Variants in ABCA5 observed in about 807,000 individuals in gnomAD.
The protein encoded by ABCA5 is cholesterol transporter ABCA5.
ABCA5 carries 163 observed loss-of-function variants against 206.0 expected under a neutral mutation model. That is an observed-to-expected ratio of 0.79 (90% CI 0.70 to 0.90). The LOEUF (loss-of-function observed/expected upper bound fraction) is 0.90, where lower values mean the gene tolerates loss of function less well. Among genes scored for constraint, ABCA5 ranks in the 40% least tolerant of loss-of-function variants. The probability of loss-of-function intolerance (pLI) is 0.00; values close to 1 mark genes in which losing one functional copy is unlikely to be tolerated. For missense variants in ABCA5, 1,859 were observed against 1,912.9 expected (o/e 0.97, Z 0.53); for synonymous variants, 609 against 613.8 (o/e 0.99, Z 0.11).
At chr17:69,269,522 T>C (rs1426550150) in intron 22 of ABCA5, among the ~76,000 whole-genome samples, 1 of 152,200 alleles carries the variant, frequency 6.6e-6, no homozygotes, top group Non-Finnish European at 1.5e-5. Flanking sequence ...AGTTACTAGA[T>C]GATCTAGCAA....
intron 6 of ABCA5, among the ~76,000 whole-genome samples, chr17:69,305,736 C>T (rs2075709637): frequency 1.3e-5 from 2 of 151,978 alleles, no homozygotes; most frequent in Admixed American, 1.3e-4. Flanking sequence ...TTGGGCATGA[C>T]AGCATGCACC....
At chr17:69,294,911 G>C (rs1015016714) in intron 10 of ABCA5, among the ~76,000 whole-genome samples, 198 bp from the exon 11 acceptor site, 2 of 152,030 alleles carry the variant, frequency 1.3e-5, no homozygotes, top group African/African-American at 2.4e-5. Flanking sequence ...CACAGGTTAG[G>C]AGTGCCAACT....
At chr17:69,286,731 T>C (rs931286906) in intron 15 of ABCA5, among the ~76,000 whole-genome samples, 11 of 152,172 alleles carry the variant, frequency 7.2e-5, no homozygotes, top group African/African-American at 1.2e-4. Context: ...GTTGGGTTTT[T>C]AAAAATAAAG....
At position 69,301,114 on chromosome 17, in the gene ABCA5, TA is replaced by T. The variant is rs769319026; in HGVS notation, c.1267+24del. 6 of 1,488,434 alleles carry T rather than the reference TA, an allele frequency of 4.0e-6. No individual in the cohort carries two copies. The African/African-American group carries it at 5.8e-5, about 14-fold the overall frequency. The allele number at this position is 1,488,434 out of a possible 1,614,324, so 92.2% of individuals were successfully genotyped here. ...CAAAAAAGCCTAAAAATCTTTAAAGTAAAATTCAAAAACCATCTGCATACCT... is the reference window on the plus strand; with the variant it reads ...CAAAAAAGCCTAAAAATCTTTAAAGTAAATTCAAAAACCATCTGCATACCT... On this transcript the variant is annotated intron_variant, in intron 9 of 38. Coordinates refer to ENST00000392676, the MANE Select transcript of ABCA5 (RefSeq NM_172232.4).
At chr17:69,281,400 A>C in intron 18 of ABCA5, among the ~76,000 whole-genome samples, 1 of 152,104 alleles carries the variant, frequency 6.6e-6, no homozygotes, top group East Asian at 1.9e-4. Context: ...TTAGTTATTT[A>C]ATTCCATTAA....
Position 69,246,705 on chromosome 17 carries a change from G to C in ABCA5, c.*832C>G, listed in dbSNP as rs1429163371. The C allele has an allele frequency of 6.6e-6, 1 of 151,876 alleles. No homozygotes were observed. The highest frequency in any genetic ancestry group is 2.4e-5 in the African/African-American group (1 of 41,418). 9.4% of individuals were successfully genotyped at this position (151,876 alleles called of 1,614,324 possible). A position where few individuals can be genotyped will look rare whatever the true frequency, so the allele number is the denominator to read the frequency against. On this transcript the variant is annotated 3_prime_UTR_variant, in exon 39 of 39. Coordinates refer to ENST00000392676, the MANE Select transcript of ABCA5 (RefSeq NM_172232.4). ...AATTAAATGTGCCCTTTGCAAGGAAGATGACAAAAAATTTATATGTTCCAA... is the reference window on the plus strand; with the variant it reads ...AATTAAATGTGCCCTTTGCAAGGAACATGACAAAAAATTTATATGTTCCAA...
Position 69,301,182 on chromosome 17 carries a change from T to G in ABCA5, c.1224A>C (p.Ile408=), listed in dbSNP as rs1352769416. 1 of 1,592,018 alleles carries G rather than the reference T, an allele frequency of 6.3e-7. No individual in the cohort carries two copies. The change falls in exon 9 of 39, where the codon ATA becomes ATC. Residue 408 remains isoleucine, a synonymous_variant. Coordinates refer to ENST00000392676, the MANE Select transcript of ABCA5 (RefSeq NM_172232.4). ...ITIIMLTLNS[I]FYVLLAVYLD... ...GATAGACAGCCAAGAGGACATAGAA[T>G]ATACTATTAAGTGTGAGCATGATAA...
In ABCA5 at chr17:69,258,736, T is replaced by C. The variant is rs527520097; in HGVS notation, c.3731+970A>G. Among the ~76,000 whole-genome samples the C allele has an allele frequency of 2.3e-3, 344 of 152,166 alleles. 3 individuals carry two copies. The highest frequency in any genetic ancestry group is 7.8e-3 in the African/African-American group (325 of 41,558). On this transcript the variant is annotated intron_variant, in intron 28 of 38. Coordinates refer to ENST00000392676, the MANE Select transcript of ABCA5 (RefSeq NM_172232.4). ...CAGCTGAATTTATATGGAATAAATATGTAGTATTATCAAATGGAACTTTTA... is the reference window on the plus strand; with the variant it reads ...CAGCTGAATTTATATGGAATAAATACGTAGTATTATCAAATGGAACTTTTA...
At chr17:69,247,788 CAG>C in intron 38 of ABCA5, 144 bp from the exon 39 acceptor site, 1 of 465,060 alleles carries the variant, frequency 2.2e-6, no homozygotes, top group Non-Finnish European at 3.8e-6. Context: ...ATTATTCAAA[CAG>C]ATTATTTTCA....
At chr17:69,298,439 T>C (rs763808026) in intron 9 of ABCA5, among the ~76,000 whole-genome samples, 46 of 152,128 alleles carry the variant, frequency 3.0e-4, no homozygotes, top group Admixed American at 5.9e-4. Context: ...ACACTCCTCA[T>C]TTTTTTCAAA....
intron 23 of ABCA5, among the ~76,000 whole-genome samples, chr17:69,266,647 T>C (rs2075212622): frequency 6.8e-6 from 1 of 148,116 alleles, no homozygotes; most frequent in Non-Finnish European, 1.5e-5. Flanking sequence ...AAAAAAATGT[T>C]TCAGTTGAAA....
chr17:69,305,840 C>G (rs1476444217), intron 6 of ABCA5, among the ~76,000 whole-genome samples: 1 of 152,132 alleles, frequency 6.6e-6, no homozygotes, highest in Non-Finnish European at 1.5e-5. Flanking sequence ...CACTATACTC[C>G]AGCCTAGGTG....
At chr17:69,315,046 T>C (rs1007188825) in intron 1 of ABCA5, 1 of 152,060 alleles carries the variant, frequency 6.6e-6, no homozygotes, top group African/African-American at 2.4e-5. Context: ...ATGGAGAAAA[T>C]AAACACTAGC....
rs2075746050 is a variant in ABCA5 at position 69,309,111 on chromosome 17, A to C, written c.469+151T>G. 4 of 508,862 alleles carry C rather than the reference A, an allele frequency of 7.9e-6. No individual in the cohort carries two copies. The Admixed American group carries it at 1.7e-4, about 21-fold the overall frequency. The allele number at this position is 508,862 out of a possible 1,614,324, so 31.5% of individuals were successfully genotyped here. ...AGTAGATAGGTATTTATAAATAAAT[A>C]TTTTTATGCTATACTTCTCAGTTTT... On this transcript the variant is annotated intron_variant, in intron 4 of 38. Coordinates refer to ENST00000392676, the MANE Select transcript of ABCA5 (RefSeq NM_172232.4).
intron 18 of ABCA5, among the ~76,000 whole-genome samples, chr17:69,283,591 CTT>C (rs1053951851): frequency 6.6e-6 from 1 of 152,118 alleles, no homozygotes; most frequent in East Asian, 1.9e-4. Flanking sequence ...CCATGGTAGC[CTT>C]TTTTTATCCC....
In ABCA5 at chr17:69,284,332, A is replaced by C. The variant is rs150171503; in HGVS notation, c.2273-260T>G. Reference sequence around the variant, plus strand: ...AGCTGTGATTGTGGCACTGAACTCCAGCCTAAGTAACAGGCTTAACATTCT... The same window carrying C: ...AGCTGTGATTGTGGCACTGAACTCCCGCCTAAGTAACAGGCTTAACATTCT... On this transcript the variant is annotated intron_variant, in intron 17 of 38. Coordinates refer to ENST00000392676, the MANE Select transcript of ABCA5 (RefSeq NM_172232.4). Among the ~76,000 whole-genome samples the C allele has an allele frequency of 2.2e-3, 328 of 152,280 alleles. 1 individual carries two copies. The highest frequency in any genetic ancestry group is 7.5e-3 in the African/African-American group (313 of 41,572).
chr17:69,261,707 G>A lies in ABCA5; in HGVS notation c.3357C>T (p.Phe1119=). The A allele has an allele frequency of 6.6e-7, 1 of 1,510,266 alleles. No homozygotes were observed. The highest frequency in any genetic ancestry group is 1.3e-5 in the South Asian group (1 of 77,666). 93.6% of individuals were successfully genotyped at this position (1,510,266 alleles called of 1,614,324 possible). The change falls in exon 25 of 39, where the codon TTC becomes TTT. Residue 1119 remains phenylalanine (F), a synonymous_variant. Transcript: ENST00000392676. ...TAAAGGTGAAAGAAGCAATATAAGT[G>A]AACAGAATAACTGATGGAACATAAC... ...LIGYVPSVIL[F]TYIASFTFKK...
intron 18 of ABCA5, among the ~76,000 whole-genome samples, chr17:69,281,286 A>G (rs990591196): frequency 6.6e-6 from 1 of 151,382 alleles, no homozygotes; most frequent in Non-Finnish European, 1.5e-5. Context: ...AATTTAGATA[A>G]TAATATAAAA....
chr17:69,266,586 A>AT (rs2075211237), intron 23 of ABCA5, among the ~76,000 whole-genome samples: 1 of 147,446 alleles, frequency 6.8e-6, no homozygotes, highest in Admixed American at 6.8e-5. Flanking sequence ...ATATATATAT[A>AT]AATAAAAAAA....
Sources: gnomAD v4.1 joint callset for allele counts (sites outside exome capture counted in the v4.1 genomes callset) on GRCh38, gnomAD v4.1.1 for gene constraint, MANE v1.5 for transcripts, NCBI Gene and HGNC (gene_info 2026-07-23, HGNC 2026-07-21) for gene names.